Variants in KNCN observed in about 807,000 individuals in gnomAD.
KNCN encodes the protein kinocilin.
Under a neutral mutation model 10.4 loss-of-function variants are expected in KNCN, and 11 were observed. The observed-to-expected ratio is 1.06, with a 90% CI of 0.67 to 1.75. The LOEUF is 1.75. Among genes scored for constraint, KNCN ranks in the 40% most tolerant of loss-of-function variants. The pLI is 0.00. For missense variants in KNCN, 172 were observed against 167.1 expected (o/e 1.03, Z -0.16); for synonymous variants, 67 against 71.6 (o/e 0.94, Z 0.33).
rs1267615712 is a variant in KNCN at position 46,547,281 on chromosome 1, G to A, written c.*449C>T. 6 of 418,542 alleles carry A rather than the reference G, an allele frequency of 1.4e-5. No homozygotes were observed. The highest frequency in any genetic ancestry group is 2.0e-5 in the African/African-American group (1 of 48,956). The allele number at this position is 418,542 out of a possible 1,614,324, so 25.9% of individuals were successfully genotyped here. A position where few individuals can be genotyped will look rare whatever the true frequency, so the allele number is the denominator to read the frequency against. On this transcript the variant is annotated 3_prime_UTR_variant, in exon 4 of 4. Coordinates refer to ENST00000481882, the MANE Select transcript of KNCN (RefSeq NM_001322255.2). ...AGCTCTAGAGCCCCTGGGCTAGACC[G>A]TGGGGGTGGAGGGTCCCTGTCTGTG...
In KNCN at chr1:46,547,445, A is replaced by C; in HGVS notation, c.*285T>G. 1.5e-6 allele frequency: 1 copy of C among 655,814 alleles called. No individual in the cohort carries two copies. The highest frequency in any genetic ancestry group is 2.8e-6 in the Non-Finnish European group (1 of 354,572). 40.6% of individuals were successfully genotyped at this position (655,814 alleles called of 1,614,324 possible). On this transcript the variant is annotated 3_prime_UTR_variant, in exon 4 of 4. Coordinates refer to ENST00000481882, the MANE Select transcript of KNCN (RefSeq NM_001322255.2). ...TGAACAGGCAACAAAGCTGAGCTGC[A>C]GTCCAGAAAGAAAGGCCAGGGCAGG... is the stretch of plus-strand genomic sequence containing the variant.
At position 46,551,186 on chromosome 1, in the gene KNCN, G is replaced by A. The variant is rs1483011389; in HGVS notation, c.30C>T (p.Phe10=). The A allele has an allele frequency of 1.9e-6, 3 of 1,610,192 alleles. No individual in the cohort carries two copies. Among genetic ancestry groups the A allele is most frequent in the Non-Finnish European group, 2.5e-6 (3 of 1,178,390 alleles). ...CCACGCAGGCCAGCTGCAGGCCGCG[G>A]AAGTCTCTGCTGCTGATGGGGATGT... MDIPISSRD[F]RGLQLACVAL... The change falls in exon 1 of 4, where the codon TTC becomes TTT. Residue 10 remains phenylalanine (F), a synonymous_variant. Transcript: ENST00000481882. The surrounding 1 kb of genome is among the most constrained non-coding windows in gnomAD (Gnocchi z 4.0).
chr1:46,548,467 A>C (rs1030145035), intron 3 of KNCN, among the ~76,000 whole-genome samples: 1 of 152,062 alleles, frequency 6.6e-6, no homozygotes, highest in Non-Finnish European at 1.5e-5. Flanking sequence ...GTCCCCTGGC[A>C]TGTCCCCCCC....
chr1:46,547,906 C>G lies in KNCN; in HGVS notation c.296-97G>C, dbSNP rs934228424. The G allele has an allele frequency of 6.1e-6, 5 of 821,132 alleles. No individual in the cohort carries two copies. The Admixed American group carries it at 1.7e-4, about 27-fold the overall frequency. 50.9% of individuals were successfully genotyped at this position (821,132 alleles called of 1,614,324 possible). On this transcript the variant is annotated intron_variant, in intron 3 of 3. Coordinates refer to ENST00000481882, the MANE Select transcript of KNCN (RefSeq NM_001322255.2). ...CTCAGAGGGACCCAAGGCCGGGGTG[C>G]CTGGTTGACCCCAGGGCAGAGCTGG... is the stretch of plus-strand genomic sequence containing the variant.
intron 1 of KNCN, among the ~76,000 whole-genome samples, chr1:46,550,539 T>G (rs1300524709): frequency 2.4e-4 from 27 of 113,320 alleles, no homozygotes; most frequent in East Asian, 4.6e-4. Context: ...GGGCGGGGGG[T>G]GGGGTGAGGT....
intron 3 of KNCN, 30 bp downstream of exon 3, chr1:46,549,163 A>T (rs751352251): frequency 1.3e-6 from 2 of 1,562,468 alleles, no homozygotes; most frequent in Non-Finnish European, 1.7e-6. Context: ...AGAAAAAAGA[A>T]GGATGGACTC....
chr1:46,549,612 G>C (rs1019253092), intron 2 of KNCN: 6 of 551,080 alleles, frequency 1.1e-5, no homozygotes, highest in Non-Finnish European at 1.9e-5. Flanking sequence ...GGAAATAGAG[G>C]GTCTTTCATG....
In KNCN at chr1:46,547,630, G is replaced by C. The variant is rs1459579503; in HGVS notation, c.*100C>G. The C allele has an allele frequency of 2.2e-6, 2 of 924,338 alleles. No individual in the cohort carries two copies. The highest frequency in any genetic ancestry group is 1.6e-5 in the African/African-American group (1 of 61,092). The allele number at this position is 924,338 out of a possible 1,614,324, so 57.3% of individuals were successfully genotyped here. A position where few individuals can be genotyped will look rare whatever the true frequency, so the allele number is the denominator to read the frequency against. ...GCCGCTCTGGGGTCTGCAGGGCCTG[G>C]CTTGTCTCCGGTCCGGGTCTCCTAA... is the stretch of plus-strand genomic sequence containing the variant. On this transcript the variant is annotated 3_prime_UTR_variant, in exon 4 of 4. Transcript: ENST00000481882.
In KNCN at chr1:46,549,283, A is replaced by G. The variant is rs758636114; in HGVS notation, c.221-16T>C. ...CTTAGGCTCCCTGCAGGATGAGACC[A>G]CCCCAAGCCCCCTGATTACTGAGCC... On this transcript the variant is annotated splice_polypyrimidine_tract_variant and intron_variant, in intron 2 of 3. Transcript: ENST00000481882. 6.7e-5 allele frequency: 106 copies of G among 1,584,260 alleles called. 2 individuals carry two copies. The South Asian group carries it at 1.2e-3, about 18-fold the overall frequency.
At chr1:46,550,443 G>A (rs748584632) in intron 1 of KNCN, among the ~76,000 whole-genome samples, 15 of 151,952 alleles carry the variant, frequency 9.9e-5, no homozygotes, top group Non-Finnish European at 1.9e-4. Flanking sequence ...TCCATCCCCC[G>A]ATGAGCATCT....
In KNCN at chr1:46,547,885, G is replaced by A. The variant is rs114961423; in HGVS notation, c.296-76C>T. On this transcript the variant is annotated intron_variant, in intron 3 of 3. Coordinates refer to ENST00000481882, the MANE Select transcript of KNCN (RefSeq NM_001322255.2). ...GAGTTGTCAGGGTCAGAGGAACTCA[G>A]AGGGACCCAAGGCCGGGGTGCCTGG... The A allele has an allele frequency of 7.9e-4, 918 of 1,161,724 alleles. 5 individuals carry two copies. The African/African-American group carries it at 0.012, about 16-fold the overall frequency. The allele number at this position is 1,161,724 out of a possible 1,614,324, so 72.0% of individuals were successfully genotyped here.
chr1:46,548,533 T>C (rs904001977), intron 3 of KNCN, among the ~76,000 whole-genome samples: 14 of 152,076 alleles, frequency 9.2e-5, no homozygotes, highest in African/African-American at 2.7e-4. Flanking sequence ...TTGGGTCCCT[T>C]TGAGTTCCTC....
In KNCN at chr1:46,551,569, T is replaced by G; in HGVS notation, c.-354A>C. 5.1e-6 allele frequency: 1 copy of G among 197,634 alleles called. No individual in the cohort carries two copies. The allele number at this position is 197,634 out of a possible 1,614,324, so 12.2% of individuals were successfully genotyped here. On this transcript the variant is annotated 5_prime_UTR_variant, in exon 1 of 4. Coordinates refer to ENST00000481882, the MANE Select transcript of KNCN (RefSeq NM_001322255.2). The surrounding 1 kb of genome is among the most constrained non-coding windows in gnomAD (Gnocchi z 4.0). Reference sequence around the variant, plus strand: ...AGCTGGGCCTGTTCCATAGGATCCTTCCCTGCCAGCCTCCACCCAGGAGAG... The same window carrying G: ...AGCTGGGCCTGTTCCATAGGATCCTGCCCTGCCAGCCTCCACCCAGGAGAG...
chr1:46,547,114 G>A lies in KNCN; in HGVS notation c.*616C>T, dbSNP rs574232006. ...AAGTTGCCTCCTCTGACCCCCAGGC[G>A]AAGTTGTTTGTACCTGTCCCTTTGT... On this transcript the variant is annotated 3_prime_UTR_variant, in exon 4 of 4. Transcript: ENST00000481882. 8.3e-4 allele frequency: 263 copies of A among 317,146 alleles called. 2 individuals are homozygous for A. The highest frequency in any genetic ancestry group is 1.4e-3 in the Non-Finnish European group (229 of 161,968). The allele number at this position is 317,146 out of a possible 1,614,324, so 19.6% of individuals were successfully genotyped here.
In KNCN at chr1:46,549,915, G is replaced by C. The variant is rs934102663; in HGVS notation, c.220+19C>G. 47 of 1,550,468 alleles carry C rather than the reference G, an allele frequency of 3.0e-5. No homozygotes were observed. In the African/African-American group the frequency reaches 6.2e-4, roughly 20 times the overall value. On this transcript the variant is annotated intron_variant, in intron 2 of 3. Coordinates refer to ENST00000481882, the MANE Select transcript of KNCN (RefSeq NM_001322255.2). ...AGTCCTTGGCAGAGGGGTCTGCTGG[G>C]GTCAGGGAGAGGCCTCACCTATGGT... is the stretch of plus-strand genomic sequence containing the variant.
At position 46,547,046 on chromosome 1, in the gene KNCN, T is replaced by G; in HGVS notation, c.*684A>C. 1.2e-5 allele frequency: 3 copies of G among 240,686 alleles called. No individual in the cohort carries two copies. The highest frequency in any genetic ancestry group is 5.0e-5 in the South Asian group (1 of 20,026). The allele number at this position is 240,686 out of a possible 1,614,324, so 14.9% of individuals were successfully genotyped here. ...TCAGATCACAAAAAGCCTTGAGTGG[T>G]GGAGTTAAGACACCAAGGGTCTCAG... On this transcript the variant is annotated 3_prime_UTR_variant, in exon 4 of 4. Coordinates refer to ENST00000481882, the MANE Select transcript of KNCN (RefSeq NM_001322255.2).
chr1:46,551,297 C>T lies in KNCN; in HGVS notation c.-82G>A. 1 of 1,502,164 alleles carries T rather than the reference C, an allele frequency of 6.7e-7. No homozygotes were observed. Among genetic ancestry groups the T allele is most frequent in the Non-Finnish European group, 9.0e-7 (1 of 1,114,546 alleles). The allele number at this position is 1,502,164 out of a possible 1,614,324, so 93.1% of individuals were successfully genotyped here. On this transcript the variant is annotated 5_prime_UTR_variant, in exon 1 of 4. Coordinates refer to ENST00000481882, the MANE Select transcript of KNCN (RefSeq NM_001322255.2). This position sits in a 1 kb window ranked among gnomAD's most constrained non-coding sequence, Gnocchi z 4.0. ...TGGAAGTTTCTGGGCTCTTGGATGT[C>T]TCCTTGTTGGCGCTCCAACTTCAGG...
chr1:46,547,757 C>A lies in KNCN; in HGVS notation c.348G>T (p.Pro116=), dbSNP rs201815292. The A allele has an allele frequency of 6.8e-7, 1 of 1,480,134 alleles. No individual in the cohort carries two copies. Among genetic ancestry groups the A allele is most frequent in the East Asian group, 2.5e-5 (1 of 40,782 alleles). 91.7% of individuals were successfully genotyped at this position (1,480,134 alleles called of 1,614,324 possible). The change falls in exon 4 of 4, where the codon CCG becomes CCT. Residue 116 remains proline (P), a synonymous_variant. Coordinates refer to ENST00000481882, the MANE Select transcript of KNCN (RefSeq NM_001322255.2). ...AGCATTCCTCAGCCCCCCGGGTCCC[C>A]GGCTTCAGCTTCTCCAGGGTCCTGC... ...TVSRTLEKLK[P]GTRGAEEC is the part of the protein sequence containing the mutation.
intron 3 of KNCN, among the ~76,000 whole-genome samples, chr1:46,548,518 C>T (rs1236122014): frequency 6.6e-6 from 1 of 152,144 alleles, no homozygotes; most frequent in Non-Finnish European, 1.5e-5. Flanking sequence ...ACTGGGAACC[C>T]CAGCTTGGGT....
Sources: allele counts gnomAD v4.1 joint callset (sites outside exome capture counted in the v4.1 genomes callset), GRCh38; gene constraint gnomAD v4.1.1; non-coding constraint Gnocchi (gnomAD v3.1); transcripts MANE v1.5; gene names NCBI Gene and HGNC (gene_info 2026-07-23, HGNC 2026-07-21).